The following OCM variants were observed in gnomAD, a reference collection of about 807,000 sequenced individuals.
OCM encodes the protein oncomodulin-1.
In OCM, 18 loss-of-function variants were observed where a neutral mutation model predicts 14.1. That is an observed-to-expected ratio of 1.28 (90% CI 0.88 to 1.89). The LOEUF (loss-of-function observed/expected upper bound fraction) is 1.89, where lower values mean the gene tolerates loss of function less well. OCM is among the 40% of genes most tolerant of loss of function. The pLI, the probability that OCM is intolerant of heterozygous loss-of-function variation, is 0.00. For missense variants in OCM, 140 were observed against 137.6 expected (o/e 1.02, Z -0.09); for synonymous variants, 48 against 51.0 (o/e 0.94, Z 0.25).
chr7:5,860,197 T>C, the OCM span, among the ~76,000 whole-genome samples: 5 of 152,066 alleles, frequency 3.3e-5, no homozygotes, highest in South Asian at 1.0e-3. Flanking sequence ...TAAGTCTTCA[T>C]TAAATGTTGC....
chr7:5,861,278 G>C, the OCM span, among the ~76,000 whole-genome samples: 1 of 151,992 alleles, frequency 6.6e-6, no homozygotes, highest in Non-Finnish European at 1.5e-5. Context: ...AAAATTAGCC[G>C]GGCTTGGTGC....
At chr7:5,866,176 T>G in the OCM span, among the ~76,000 whole-genome samples, 1 of 151,148 alleles carries the variant, frequency 6.6e-6, no homozygotes, top group Admixed American at 6.6e-5. Flanking sequence ...AAAAATTTAA[T>G]TAGCTGGTTC....
Position 5,882,602 on chromosome 7 carries a change from G to T in OCM, c.171G>T (p.Gly57=), listed in dbSNP as rs1033818563. 1.2e-6 allele frequency: 2 copies of T among 1,613,992 alleles called. No homozygotes were observed. The highest frequency in any genetic ancestry group is 1.3e-5 in the African/African-American group (1 of 74,896). The change falls in exon 2 of 4, where the codon GGG becomes GGT. Residue 57 remains glycine, a synonymous_variant. Coordinates refer to ENST00000242104, the MANE Select transcript of OCM (RefSeq NM_001097622.2). Reference sequence around the variant, plus strand: ...GGTTCATAGACAACGACCAGAGCGGGTACCTGGATGAAGAAGAGCTTAAGT... The same window carrying T: ...GGTTCATAGACAACGACCAGAGCGGTTACCTGGATGAAGAAGAGCTTAAGT... The part of the protein sequence containing the change: ...VFRFIDNDQS[G]YLDEEELKFF...
the OCM span, among the ~76,000 whole-genome samples, chr7:5,872,568 G>C: frequency 6.6e-6 from 1 of 152,134 alleles, no homozygotes; most frequent in Non-Finnish European, 1.5e-5. Flanking sequence ...ATGCACAAAT[G>C]TGTTCATTGA....
At chr7:5,859,778 A>G in the OCM span, among the ~76,000 whole-genome samples, 4 of 151,272 alleles carry the variant, frequency 2.6e-5, no homozygotes, top group African/African-American at 7.3e-5. Flanking sequence ...GCTCACTGCA[A>G]CCTCCGCCTC....
At chr7:5,865,033 C>T in the OCM span, among the ~76,000 whole-genome samples, 8 of 152,028 alleles carry the variant, frequency 5.3e-5, no homozygotes, top group South Asian at 4.1e-4. Flanking sequence ...TGGAAGACAG[C>T]GGGCAGCAGC....
chr7:5,865,936 C>T, the OCM span, among the ~76,000 whole-genome samples: 1 of 152,110 alleles, frequency 6.6e-6, no homozygotes, highest in Non-Finnish European at 1.5e-5. Context: ...GAGTTGTCTT[C>T]ATTTGGATAA....
At chr7:5,860,402 A>G in the OCM span, among the ~76,000 whole-genome samples, 1 of 144,226 alleles carries the variant, frequency 6.9e-6, no homozygotes, top group Admixed American at 7.5e-5. Context: ...ATATACGTGT[A>G]TATATACGTA....
intron 1 of OCM, among the ~76,000 whole-genome samples, chr7:5,881,166 A>G (rs1781208561): frequency 6.6e-6 from 1 of 151,888 alleles, no homozygotes; most frequent in African/African-American, 2.4e-5. Flanking sequence ...AAAATACAAA[A>G]AAATTAACCG....
rs1020267256 is a variant in OCM, at chr7:5,886,247, G to A, written c.*158G>A. On this transcript the variant is annotated 3_prime_UTR_variant, in exon 4 of 4. Coordinates refer to ENST00000242104, the MANE Select transcript of OCM (RefSeq NM_001097622.2). ...CTCATTGTTTTAGTGAGGTCACGAG[G>A]GAGTCACTCCTGACTTTCTTGGTGG... 3 of 1,062,116 alleles carry A rather than the reference G, an allele frequency of 2.8e-6. No homozygotes were observed. The highest frequency in any genetic ancestry group is 2.8e-6 in the Non-Finnish European group (2 of 724,800). 65.8% of individuals were successfully genotyped at this position (1,062,116 alleles called of 1,614,324 possible).
the OCM span, among the ~76,000 whole-genome samples, chr7:5,861,017 C>T: frequency 1.3e-5 from 2 of 151,810 alleles, no homozygotes; most frequent in Non-Finnish European, 2.9e-5. Flanking sequence ...AATGGGGTAG[C>T]CTGGAGGTGG....
the OCM span, among the ~76,000 whole-genome samples, chr7:5,873,907 A>C: frequency 6.6e-6 from 1 of 151,860 alleles, no homozygotes; most frequent in East Asian, 1.9e-4. Flanking sequence ...CATACATTCA[A>C]GAGTTTTGTC....
the OCM span, among the ~76,000 whole-genome samples, chr7:5,862,916 T>G: frequency 1.4e-5 from 2 of 145,018 alleles, no homozygotes; most frequent in Non-Finnish European, 3.0e-5. Context: ...GTTTATCTTA[T>G]GTAAAATGTA....
chr7:5,865,313 A>G, the OCM span, among the ~76,000 whole-genome samples: 3 of 152,200 alleles, frequency 2.0e-5, no homozygotes, highest in African/African-American at 7.2e-5. Context: ...AAACCAGGAC[A>G]TGCTGAATTT....
At chr7:5,874,377 T>C in the OCM span, among the ~76,000 whole-genome samples, 2 of 152,022 alleles carry the variant, frequency 1.3e-5, no homozygotes, top group Admixed American at 1.3e-4. Context: ...ATGATATACA[T>C]ATACATTACA....
chr7:5,880,063 C>G (rs1781177168), upstream of OCM: 1 of 152,156 alleles, frequency 6.6e-6, no homozygotes, highest in African/African-American at 2.4e-5. Context: ...GGCTCTGACA[C>G]CTGGAAGGAT....
At chr7:5,875,821 C>G (rs1781084057), upstream of OCM, among the ~76,000 whole-genome samples, 1 of 151,354 alleles carries the variant, frequency 6.6e-6, no homozygotes, top group African/African-American at 2.4e-5. Context: ...ACTCTTAAGA[C>G]TTATTTTCAG....
chr7:5,865,476 G>C, the OCM span, among the ~76,000 whole-genome samples: 8 of 152,260 alleles, frequency 5.3e-5, no homozygotes, highest in East Asian at 3.9e-4. Flanking sequence ...GCAGCAAACC[G>C]CTTCTGAACT....
chr7:5,870,568 A>C, the OCM span, among the ~76,000 whole-genome samples: 2 of 152,230 alleles, frequency 1.3e-5, no homozygotes, highest in African/African-American at 2.4e-5. Context: ...AGGGAACCAG[A>C]GATTTCAGCA....
Sources: allele counts gnomAD v4.1 joint callset (sites outside exome capture counted in the v4.1 genomes callset), GRCh38; gene constraint gnomAD v4.1.1; transcripts MANE v1.5; gene names NCBI Gene and HGNC (gene_info 2026-07-23, HGNC 2026-07-21).